PCDHAC1: variants seen among roughly 807,000 people sequenced by gnomAD.
PCDHAC1 encodes the protein protocadherin alpha-C1.
In PCDHAC1, 42 loss-of-function variants were observed where a neutral mutation model predicts 60.0. The observed-to-expected ratio is 0.70, with a 90% CI of 0.55 to 0.90. The LOEUF is 0.90. PCDHAC1 is among the 40% of genes least tolerant of loss of function. The pLI is 0.00. For synonymous variants in PCDHAC1, 468 were observed against 499.3 expected (o/e 0.94, Z 0.84); for missense variants, 1,160 against 1,222.3 (o/e 0.95, Z 0.76).
intron 3 of PCDHAC1, among the ~76,000 whole-genome samples, chr5:140,993,683 G>A (rs2097577653): frequency 6.6e-6 from 1 of 152,080 alleles, no homozygotes; most frequent in Non-Finnish European, 1.5e-5. Flanking sequence ...TGTGACAGCT[G>A]TCCCATAAGA....
At chr5:140,943,670 G>A (rs1161487572) in intron 1 of PCDHAC1, among the ~76,000 whole-genome samples, 1 of 152,036 alleles carries the variant, frequency 6.6e-6, no homozygotes, top group Non-Finnish European at 1.5e-5. Flanking sequence ...TGTATAAAGT[G>A]TGAAAAAAAG....
At chr5:140,979,937 A>G (rs563499415) in intron 2 of PCDHAC1, among the ~76,000 whole-genome samples, 1 of 152,388 alleles carries the variant, frequency 6.6e-6, no homozygotes, top group African/African-American at 2.4e-5. Context: ...GTATGTGTAG[A>G]GTTAATGTGA....
Position 141,009,737 on chromosome 5 carries a change from C to T in PCDHAC1, c.2692C>T (p.Pro898Ser). The T allele has an allele frequency of 6.2e-7, 1 of 1,614,130 alleles. No homozygotes were observed. The highest frequency in any genetic ancestry group is 8.5e-7 in the Non-Finnish European group (1 of 1,180,024). Residue 898 changes from proline (P) to serine (S), a missense_variant, in exon 4 of 4, where the codon CCC becomes TCC. Physicochemically the swap from Pro to Ser is moderately conservative, Grantham distance 74 (BLOSUM62 -1). Coordinates refer to ENST00000253807, the MANE Select transcript of PCDHAC1 (RefSeq NM_018898.5). ...NPKQSGPGEL[P>S]DKFIIPGSPA... Reference sequence around the variant, plus strand: ...CAAACAATCCGGTCCCGGTGAGTTGCCCGACAAATTCATTATCCCAGGATC... The same window carrying T: ...CAAACAATCCGGTCCCGGTGAGTTGTCCGACAAATTCATTATCCCAGGATC...
chr5:140,951,141 T>G (rs2094552248), intron 1 of PCDHAC1, among the ~76,000 whole-genome samples: 1 of 100,612 alleles, frequency 9.9e-6, no homozygotes, highest in Non-Finnish European at 2.0e-5. Context: ...TTCCTTTATC[T>G]TATTGAATAT....
In PCDHAC1 at chr5:140,926,702, G is replaced by C. The variant is rs2083474783; in HGVS notation, c.-191G>C. On this transcript the variant is annotated 5_prime_UTR_variant, in exon 1 of 4. Transcript: ENST00000253807. ...TCCAGCCTAGCAAGCCCGGCTCCCA[G>C]CTGGCCAGCCCCGGCAATGCCGGCG... 1 of 832,476 alleles carries C rather than the reference G, an allele frequency of 1.2e-6. No individual in the cohort carries two copies. The highest frequency in any genetic ancestry group is 2.8e-5 in the South Asian group (1 of 35,278). The allele number at this position is 832,476 out of a possible 1,614,324, so 51.6% of individuals were successfully genotyped here.
chr5:140,955,557 C>T (rs1281978824), intron 1 of PCDHAC1, among the ~76,000 whole-genome samples: 1 of 152,114 alleles, frequency 6.6e-6, no homozygotes, highest in East Asian at 1.9e-4. Flanking sequence ...GCCTCCCCAG[C>T]CATACTGAAC....
chr5:140,964,252 T>G (rs569615423), intron 1 of PCDHAC1, among the ~76,000 whole-genome samples: 6 of 152,332 alleles, frequency 3.9e-5, no homozygotes, highest in African/African-American at 1.2e-4. Flanking sequence ...GGCTTTATAT[T>G]TGACTCCTTA....
intron 3 of PCDHAC1, among the ~76,000 whole-genome samples, chr5:141,008,708 T>G (rs1197464501): frequency 1.3e-5 from 2 of 152,210 alleles, no homozygotes; most frequent in African/African-American, 4.8e-5. Flanking sequence ...GGTTTCTAGT[T>G]GCTTGAGTGT....
At chr5:140,941,198 TCTTC>T (rs202127003) in intron 1 of PCDHAC1, among the ~76,000 whole-genome samples, 9,614 of 119,776 alleles carry the variant, frequency 0.08, 511 homozygotes, top group Non-Finnish European at 0.089. Context: ...TTTTTTTCTT[TCTTC>T]CTTTCTTTCT....
intron 1 of PCDHAC1, among the ~76,000 whole-genome samples, chr5:140,965,073 TCTGA>T (rs1372324599): frequency 1.3e-5 from 2 of 152,186 alleles, no homozygotes; most frequent in African/African-American, 4.8e-5. Context: ...CAGGTCTCAC[TCTGA>T]CTTTGTTCCA....
Position 140,927,158 on chromosome 5 carries a change from C to G in PCDHAC1, c.266C>G (p.Ala89Gly). The G allele has an allele frequency of 6.2e-7, 1 of 1,614,166 alleles. No individual in the cohort carries two copies. The highest frequency in any genetic ancestry group is 8.5e-7 in the Non-Finnish European group (1 of 1,180,032). ...GCGGACCGCGAACAGCTGTGCAGGGCCAAAGCTGCCTGCGTCTTGACCTAC... is the reference window on the plus strand; with the variant it reads ...GCGGACCGCGAACAGCTGTGCAGGGGCAAAGCTGCCTGCGTCTTGACCTAC... ...EPADREQLCR[A>G]KAACVLTYDL... Residue 89 changes from alanine (A) to glycine (G), a missense_variant, in exon 1 of 4, where the codon GCC becomes GGC. Around this residue, in one of 3 missense-constraint regions of PCDHAC1, gnomAD observed 1,113 missense variants for 1,163.7 expected, o/e 0.96. Coordinates refer to ENST00000253807, the MANE Select transcript of PCDHAC1 (RefSeq NM_018898.5).
At chr5:140,935,255 C>T (rs914593610) in intron 1 of PCDHAC1, among the ~76,000 whole-genome samples, 4 of 152,150 alleles carry the variant, frequency 2.6e-5, no homozygotes, top group African/African-American at 9.7e-5. Context: ...TAAAATACAT[C>T]ACATGTTTAT....
At chr5:141,008,568 T>C (rs1430525508) in intron 3 of PCDHAC1, among the ~76,000 whole-genome samples, 2 of 152,220 alleles carry the variant, frequency 1.3e-5, no homozygotes, top group African/African-American at 4.8e-5. Flanking sequence ...GCATAATCAT[T>C]TTCCCAAGAC....
chr5:140,971,799 TTA>T (rs1435483264), intron 1 of PCDHAC1, among the ~76,000 whole-genome samples: 2 of 152,164 alleles, frequency 1.3e-5, no homozygotes, highest in East Asian at 3.8e-4. Flanking sequence ...ATATTGAATA[TTA>T]TAATATTGAA....
chr5:140,986,220 T>C (rs2097190951), intron 3 of PCDHAC1, among the ~76,000 whole-genome samples: 1 of 152,194 alleles, frequency 6.6e-6, no homozygotes, highest in African/African-American at 2.4e-5. Flanking sequence ...CCCCTTTCTC[T>C]AGCCTCCCCT....
intron 1 of PCDHAC1, among the ~76,000 whole-genome samples, chr5:140,932,398 T>C (rs1163806647): frequency 6.6e-6 from 1 of 151,960 alleles, no homozygotes; most frequent in Non-Finnish European, 1.5e-5. Flanking sequence ...AGTTTCAACA[T>C]ACCAATGTTA....
intron 1 of PCDHAC1, among the ~76,000 whole-genome samples, chr5:140,957,220 G>A (rs1356437193): frequency 2.6e-5 from 4 of 152,192 alleles, no homozygotes; most frequent in Non-Finnish European, 5.9e-5. Flanking sequence ...CAAAAATTTG[G>A]CGAAGCATTT....
In PCDHAC1 at chr5:140,972,962, A is replaced by G. The variant is rs550755148; in HGVS notation, c.2434-5987A>G. Among the ~76,000 whole-genome samples the G allele has an allele frequency of 1.5e-3, 231 of 152,144 alleles. 1 individual carries two copies. The highest frequency in any genetic ancestry group is 2.9e-3 in the Non-Finnish European group (194 of 67,976). ...CAGATGTGAGCCACCATGCCCGGCA[A>G]AGGAAACCAAATCTTAAGGTAGATT... On this transcript the variant is annotated intron_variant, in intron 1 of 3. Transcript: ENST00000253807.
chr5:140,995,237 T>G (rs1242320046), intron 3 of PCDHAC1, among the ~76,000 whole-genome samples: 1 of 152,148 alleles, frequency 6.6e-6, no homozygotes, highest in African/African-American at 2.4e-5. Context: ...GGGCCAGTAT[T>G]AAGTAAAATA....
Sources: gnomAD v4.1 joint callset for allele counts (sites outside exome capture counted in the v4.1 genomes callset) on GRCh38, gnomAD v4.1.1 for gene constraint, gnomAD v4.1.1 regional missense constraint, MANE v1.5 for transcripts, NCBI Gene and HGNC (gene_info 2026-07-23, HGNC 2026-07-21) for gene names.